Variants in CPS1 observed in about 807,000 individuals in gnomAD.
CPS1 encodes carbamoyl-phosphate synthase 1, also known as carbamoyl-phosphate synthase [ammonia], mitochondrial.
A neutral mutation model predicts 174.6 loss-of-function variants in CPS1; 109 were observed. That is an observed-to-expected ratio of 0.62 (90% CI 0.53 to 0.73). The LOEUF is 0.73. Among genes scored for constraint, CPS1 ranks in the 30% least tolerant of loss-of-function variants. The probability of loss-of-function intolerance (pLI) is 0.00; values close to 1 mark genes in which losing one functional copy is unlikely to be tolerated. For missense variants in CPS1, 1,689 were observed against 1,821.9 expected (o/e 0.93, Z 1.33); for synonymous variants, 637 against 632.0 (o/e 1.01, Z -0.12).
At chr2:210,578,938 C>T (rs1459771029) in intron 4 of CPS1, among the ~76,000 whole-genome samples, 4 of 152,038 alleles carry the variant, frequency 2.6e-5, no homozygotes, top group East Asian at 1.9e-4. Context: ...CTTGTAAGTT[C>T]GTTTTTTAAA....
chr2:210,553,230 C>T (rs1019703831), upstream of CPS1, among the ~76,000 whole-genome samples: 1 of 151,674 alleles, frequency 6.6e-6, no homozygotes, highest in Non-Finnish European at 1.5e-5. Flanking sequence ...TGAGCATTGA[C>T]ATAAATGCTA....
At chr2:210,538,965 C>A (rs975408217) in intron 1 of CPS1, among the ~76,000 whole-genome samples, 2 of 152,076 alleles carry the variant, frequency 1.3e-5, no homozygotes, top group African/African-American at 4.8e-5. Context: ...TAGTCACTTA[C>A]AGGTAAAAAT....
intron 21 of CPS1, among the ~76,000 whole-genome samples, chr2:210,629,113 A>G (rs1191514755): frequency 6.6e-6 from 1 of 152,204 alleles, no homozygotes; most frequent in Admixed American, 6.5e-5. Context: ...GTACACATAA[A>G]AATCTTATAT....
chr2:210,488,952 C>T (rs1167094323), intron 1 of CPS1, among the ~76,000 whole-genome samples: 3 of 151,976 alleles, frequency 2.0e-5, no homozygotes, highest in African/African-American at 4.8e-5. Context: ...CAGATTCATA[C>T]TCATGAATAT....
chr2:210,486,868 A>G (rs1026585891), intron 1 of CPS1, among the ~76,000 whole-genome samples: 1 of 151,600 alleles, frequency 6.6e-6, no homozygotes, highest in Admixed American at 6.6e-5. Flanking sequence ...CCTTCCTCAC[A>G]CTCTGGCTTT....
intron 1 of CPS1, among the ~76,000 whole-genome samples, chr2:210,547,840 C>G (rs1696603939): frequency 1.3e-5 from 2 of 151,840 alleles, no homozygotes; most frequent in African/African-American, 4.8e-5. Flanking sequence ...TAAGAGAATC[C>G]TTAGTTTCTG....
intron 34 of CPS1, 180 bp from the exon 35 acceptor site, chr2:210,674,722 G>A: frequency 1.6e-6 from 1 of 631,964 alleles, no homozygotes; most frequent in Non-Finnish European, 2.9e-6. Flanking sequence ...ATTGACATTG[G>A]GATATAGCTA....
At chr2:210,498,006 T>C (rs1695044921) in intron 1 of CPS1, among the ~76,000 whole-genome samples, 1 of 150,408 alleles carries the variant, frequency 6.6e-6, no homozygotes, top group Non-Finnish European at 1.5e-5. Context: ...CTTTCCACAG[T>C]GGCTGAGCTA....
Position 210,592,959 on chromosome 2 carries a change from AC to A in CPS1, c.1164+4del. 1 of 1,611,542 alleles carries A rather than the reference AC, an allele frequency of 6.2e-7. No homozygotes were observed. Among genetic ancestry groups the A allele is most frequent in the South Asian group, 1.1e-5 (1 of 91,022 alleles). Reference sequence around the variant, plus strand: ...CCCCGGGGCCAATAGACACTGAGGTACGTCAAAAAGATGAGGCCTATTATGT... The same window carrying A: ...CCCCGGGGCCAATAGACACTGAGGTAGTCAAAAAGATGAGGCCTATTATGT... On this transcript the variant is annotated splice_donor_region_variant and intron_variant, in intron 11 of 37. Coordinates refer to ENST00000233072, the MANE Select transcript of CPS1 (RefSeq NM_001875.5).
intron 34 of CPS1, among the ~76,000 whole-genome samples, chr2:210,670,811 T>A (rs1386016271): frequency 6.6e-6 from 1 of 152,180 alleles, no homozygotes. Flanking sequence ...GTTTCTGGTC[T>A]TCCAAAGTTA....
At chr2:210,554,102 T>C (rs190475057), upstream of CPS1, among the ~76,000 whole-genome samples, 54 of 145,814 alleles carry the variant, frequency 3.7e-4, no homozygotes, top group Non-Finnish European at 6.4e-4. Context: ...TGTATGTATA[T>C]ACACATATAT....
intron 14 of CPS1, 123 bp from the exon 15 acceptor site, chr2:210,600,432 C>G (rs1051782223): frequency 1.1e-6 from 1 of 908,554 alleles, no homozygotes; most frequent in African/African-American, 1.7e-5. Flanking sequence ...AAGTGCAATT[C>G]TATTGTAGAC....
At chr2:210,591,631 C>G (rs527664489) in intron 9 of CPS1, among the ~76,000 whole-genome samples, 200 bp from the exon 10 acceptor site, 1 of 152,016 alleles carries the variant, frequency 6.6e-6, no homozygotes, top group African/African-American at 2.4e-5. Context: ...TAACACACAA[C>G]AAAGCTTCCT....
At position 210,647,861 on chromosome 2, in the gene CPS1, A is replaced by G; in HGVS notation, c.3142-2A>G. The stretch of plus-strand genomic sequence containing the variant: ...GGCTGATATTGTGAGTGTATTTTCC[A>G]GGCATGTGGTGGCTGCATCATATCA... On this transcript the variant is annotated splice_acceptor_variant, in intron 25 of 37. Transcript: ENST00000233072. LOFTEE classifies it high-confidence loss of function. 6.2e-7 allele frequency: 1 copy of G among 1,613,938 alleles called. No individual in the cohort carries two copies. Among genetic ancestry groups the G allele is most frequent in the Non-Finnish European group, 8.5e-7 (1 of 1,179,854 alleles).
Position 210,512,982 on chromosome 2 carries a change from GGA to G in CPS1, c.3+35221_3+35222del, listed in dbSNP as rs1352229284. Among the ~76,000 whole-genome samples, 10 of 12,420 alleles carry G rather than the reference GGA, an allele frequency of 8.1e-4. 3 individuals are homozygous for G. Among genetic ancestry groups the G allele is most frequent in the South Asian group, 0.01 (2 of 192 alleles). 8.1% of individuals were successfully genotyped at this position (12,420 alleles called of 152,430 possible). A position where few individuals can be genotyped will look rare whatever the true frequency, so the allele number is the denominator to read the frequency against. On this transcript the variant is annotated intron_variant, in intron 1 of 38. Transcript: ENST00000430249. ...TATATATATGGAGATATATATATAT[GGA>G]GAGATATATATATGGAGATATATAT...
At chr2:210,667,300 C>G (rs558902291) in intron 33 of CPS1, among the ~76,000 whole-genome samples, 1 of 152,218 alleles carries the variant, frequency 6.6e-6, no homozygotes, top group African/African-American at 2.4e-5. Flanking sequence ...TCCTCTTTTC[C>G]TAACTGAATA....
intron 4 of CPS1, 63 bp from the exon 5 acceptor site, chr2:210,579,651 G>T: frequency 7.3e-7 from 1 of 1,369,566 alleles, no homozygotes. Context: ...TTTGTAACTT[G>T]AAAACAATAT....
chr2:210,617,352 C>T (rs1039823568), intron 21 of CPS1, among the ~76,000 whole-genome samples: 5 of 151,882 alleles, frequency 3.3e-5, no homozygotes, highest in African/African-American at 7.3e-5. Context: ...ATTGGAAAGA[C>T]GTCTTACCTG....
chr2:210,561,078 A>AT (rs954055626), intron 1 of CPS1, among the ~76,000 whole-genome samples: 3 of 152,032 alleles, frequency 2.0e-5, no homozygotes, highest in African/African-American at 4.8e-5. Flanking sequence ...AATTTTTTCC[A>AT]TTTTTTATAT....
Sources: allele counts gnomAD v4.1 joint callset (sites outside exome capture counted in the v4.1 genomes callset), GRCh38; gene constraint gnomAD v4.1.1; transcripts MANE v1.5; gene names NCBI Gene and HGNC (gene_info 2026-07-23, HGNC 2026-07-21).